MIER3: variants seen among roughly 807,000 people sequenced by gnomAD.
MIER3 encodes the protein mesoderm induction early response protein 3.
A neutral mutation model predicts 63.2 loss-of-function variants in MIER3; 9 were observed. The observed-to-expected ratio is 0.14, with a 90% confidence interval of 0.09 to 0.25. The LOEUF is 0.25. MIER3 is among the 10% of genes least tolerant of loss of function. MIER3 has a pLI of 1.00. For missense variants in MIER3, 512 were observed against 666.2 expected, an observed-to-expected ratio of 0.77 and a Z score of 2.55; for synonymous variants, 205 against 224.9, an observed-to-expected ratio of 0.91 and a Z score of 0.79.
intron 3 of MIER3, among the ~76,000 whole-genome samples, chr5:56,943,902 A>C (rs1750737217): frequency 6.6e-6 from 1 of 152,176 alleles, no homozygotes; most frequent in Admixed American, 6.5e-5. Flanking sequence ...TTACATTTTA[A>C]GGGACACAGT....
intron 10 of MIER3, 108 bp from the exon 11 acceptor site, chr5:56,924,150 A>T (rs1749836195): frequency 9.2e-7 from 1 of 1,085,044 alleles, no homozygotes; most frequent in Non-Finnish European, 1.3e-6. Context: ...TTATTTTCCC[A>T]TTATATAGTT....
At chr5:56,935,600 T>C (rs1427007456) in intron 6 of MIER3, 66 bp downstream of exon 6, 1 of 1,533,970 alleles carries the variant, frequency 6.5e-7, no homozygotes, top group African/African-American at 1.4e-5. Flanking sequence ...AACAACAAAA[T>C]TATCATAAAT....
intron 3 of MIER3, 35 bp downstream of exon 3, chr5:56,946,891 T>C: frequency 7.2e-7 from 1 of 1,382,222 alleles, no homozygotes; most frequent in South Asian, 1.5e-5. Context: ...TTTCAAAATC[T>C]TTGTTAAGTT....
intron 9 of MIER3, chr5:56,929,172 T>TA (rs144092933): frequency 0.017 from 3,446 of 200,216 alleles, 52 homozygotes; most frequent in East Asian, 0.07. Flanking sequence ...TTTTTCTGAT[T>TA]AAAAAAAATT....
chr5:56,951,964 CCGCGTCGCCA>C, intron 1 of MIER3, 120 bp downstream of exon 1: 3 of 777,304 alleles, frequency 3.9e-6, no homozygotes, highest in Non-Finnish European at 5.0e-6. Context: ...CCCGCGACCC[CCGCGTCGCCA>C]CGCCGCCCCT....
In MIER3 at chr5:56,921,793, T is replaced by C; in HGVS notation, c.*1335A>G. On this transcript the variant is annotated 3_prime_UTR_variant, in exon 13 of 13. Coordinates refer to ENST00000381199, the MANE Select transcript of MIER3 (RefSeq NM_001297599.2). ...AGACGGTGCAAACAACATAATTCTC[T>C]ATTTTAACAGTACTACAAAAGCAAA... 6.6e-6 allele frequency: 1 copy of C among 152,644 alleles called. No homozygotes were observed. Among genetic ancestry groups the C allele is most frequent in the East Asian group, 1.9e-4 (1 of 5,200 alleles). 9.5% of individuals were successfully genotyped at this position (152,644 alleles called of 1,614,324 possible). A position where few individuals can be genotyped will look rare whatever the true frequency, so the allele number is the denominator to read the frequency against.
chr5:56,938,922 A>G lies in MIER3; in HGVS notation c.276T>C (p.Ser92=). Residue 92 remains serine, a synonymous_variant, in exon 4 of 13, where the codon AGT becomes AGC. Transcript: ENST00000381199. ...TGTCTGGTAGTTCATCTGCCAGTTC[A>G]CTTGGGGAACTATTTGCACTGGAAT... ...VANSSANSSP[S]ELADELPDMT... The G allele has an allele frequency of 1.2e-6, 2 of 1,614,138 alleles. No individual in the cohort carries two copies. Among genetic ancestry groups the G allele is most frequent in the Non-Finnish European group, 1.7e-6 (2 of 1,180,002 alleles).
chr5:56,940,245 T>C (rs1750596746), intron 3 of MIER3, among the ~76,000 whole-genome samples: 1 of 152,268 alleles, frequency 6.6e-6, no homozygotes. Flanking sequence ...GTTAATCTGT[T>C]AAACATTTTT....
At chr5:56,951,195 C>A (rs923116748) in intron 1 of MIER3, among the ~76,000 whole-genome samples, 2 of 152,132 alleles carry the variant, frequency 1.3e-5, no homozygotes, top group South Asian at 4.1e-4. Flanking sequence ...CGCGAGCCCC[C>A]CATCCTCTCT....
At chr5:56,944,151 C>T (rs1465559274) in intron 3 of MIER3, among the ~76,000 whole-genome samples, 5 of 152,160 alleles carry the variant, frequency 3.3e-5, no homozygotes, top group African/African-American at 1.2e-4. Context: ...CATATACAAG[C>T]GTTCCTCCAC....
chr5:56,948,943 C>T (rs947572558), intron 2 of MIER3, among the ~76,000 whole-genome samples: 2 of 152,146 alleles, frequency 1.3e-5, no homozygotes, highest in African/African-American at 4.8e-5. Context: ...GGGTCTACTC[C>T]CAGCTTTGTC....
At chr5:56,943,854 T>C (rs1750735825) in intron 3 of MIER3, among the ~76,000 whole-genome samples, 1 of 152,194 alleles carries the variant, frequency 6.6e-6, no homozygotes, top group Non-Finnish European at 1.5e-5. Flanking sequence ...GTATAAGGAT[T>C]TTTCTCTTCC....
rs1026234905 is a variant in MIER3, at chr5:56,921,570, C to T, written c.*1558G>A. Reference sequence around the variant, plus strand: ...TGCTGCAAAGAAAAACAAGAATACACATCATCCAAAACTAAGGATGTCATT... The same window carrying T: ...TGCTGCAAAGAAAAACAAGAATACATATCATCCAAAACTAAGGATGTCATT... On this transcript the variant is annotated 3_prime_UTR_variant, in exon 13 of 13. Coordinates refer to ENST00000381199, the MANE Select transcript of MIER3 (RefSeq NM_001297599.2). The T allele has an allele frequency of 1.3e-5, 2 of 152,612 alleles. No homozygotes were observed. The highest frequency in any genetic ancestry group is 4.8e-5 in the African/African-American group (2 of 41,448). The allele number at this position is 152,612 out of a possible 1,614,324, so 9.5% of individuals were successfully genotyped here. A position where few individuals can be genotyped will look rare whatever the true frequency, so the allele number is the denominator to read the frequency against.
intron 5 of MIER3, among the ~76,000 whole-genome samples, chr5:56,936,477 G>C (rs1750450804): frequency 6.6e-6 from 1 of 151,838 alleles, no homozygotes; most frequent in African/African-American, 2.4e-5. Flanking sequence ...AAAAAAGTGA[G>C]ATTGCATCTA....
At chr5:56,951,743 G>C (rs1198978825) in intron 1 of MIER3, among the ~76,000 whole-genome samples, 2 of 151,418 alleles carry the variant, frequency 1.3e-5, no homozygotes, top group Non-Finnish European at 3.0e-5. Flanking sequence ...CCGGGGAAGA[G>C]GCGCGGAGGC....
chr5:56,926,523 T>C (rs894980711), intron 10 of MIER3, among the ~76,000 whole-genome samples: 1 of 151,722 alleles, frequency 6.6e-6, no homozygotes, highest in Non-Finnish European at 1.5e-5. Context: ...AATTACAAAT[T>C]AAAACAAAAA....
chr5:56,932,354 T>C (rs1005306822), intron 8 of MIER3, among the ~76,000 whole-genome samples: 2 of 152,218 alleles, frequency 1.3e-5, no homozygotes, highest in South Asian at 4.1e-4. Flanking sequence ...ATTACTGAGA[T>C]GCATGTGATA....
intron 9 of MIER3, among the ~76,000 whole-genome samples, chr5:56,930,461 G>A (rs1166105518): frequency 6.6e-6 from 1 of 152,118 alleles, no homozygotes; most frequent in Non-Finnish European, 1.5e-5. Flanking sequence ...GAGGTGGCAG[G>A]GGGGTGACTA....
At chr5:56,947,222 A>G (rs1187251999) in intron 2 of MIER3, 151 bp from the exon 3 acceptor site, 6 of 731,442 alleles carry the variant, frequency 8.2e-6, no homozygotes, top group African/African-American at 1.9e-5. Flanking sequence ...TTATAAATTA[A>G]GACCCCATGA....
Sources: gnomAD v4.1 joint callset for allele counts (sites outside exome capture counted in the v4.1 genomes callset) on GRCh38, gnomAD v4.1.1 for gene constraint, MANE v1.5 for transcripts, NCBI Gene and HGNC (gene_info 2026-07-23, HGNC 2026-07-21) for gene names.